The following UBE2U variants were observed in gnomAD, a reference collection of about 807,000 sequenced individuals.
UBE2U encodes the protein ubiquitin-conjugating enzyme E2 U.
A neutral mutation model predicts 41.2 loss-of-function variants in UBE2U; 39 were observed. The ratio of observed to expected loss-of-function variants is 0.95; its 90% CI spans 0.73 to 1.24. UBE2U has a LOEUF of 1.24. Ranked by LOEUF, UBE2U falls within the 50% of genes most tolerant of loss-of-function variation. The probability of loss-of-function intolerance (pLI) is 0.00; values close to 1 mark genes in which losing one functional copy is unlikely to be tolerated. For missense variants in UBE2U, 336 were observed against 363.1 expected (o/e 0.93, Z 0.61); for synonymous variants, 107 against 117.8 (o/e 0.91, Z 0.60).
At chr1:64,262,257 G>A (rs954140817) in intron 9 of UBE2U, among the ~76,000 whole-genome samples, 5 of 152,162 alleles carry the variant, frequency 3.3e-5, no homozygotes, top group Admixed American at 6.5e-5. Context: ...TACCATAGCC[G>A]TATCATGCTC....
At chr1:64,237,372 CAAG>C (rs1644688511) in intron 7 of UBE2U, among the ~76,000 whole-genome samples, 1 of 149,688 alleles carries the variant, frequency 6.7e-6, no homozygotes, top group African/African-American at 2.5e-5. Context: ...AACAGAAAAG[CAAG>C]AAGAACTATA....
chr1:64,237,203 G>T (rs1440711102), intron 7 of UBE2U, among the ~76,000 whole-genome samples: 1 of 151,514 alleles, frequency 6.6e-6, no homozygotes, highest in Non-Finnish European at 1.5e-5. Flanking sequence ...ACATGCTGAG[G>T]CAAGTTGGTA....
At chr1:64,204,200 G>C in intron 1 of UBE2U, 84 bp downstream of exon 1, 1 of 1,323,040 alleles carries the variant, frequency 7.6e-7, no homozygotes, top group African/African-American at 1.5e-5. Flanking sequence ...TCTATAAGTA[G>C]TAATTTAGTT....
intron 2 of UBE2U, among the ~76,000 whole-genome samples, chr1:64,206,265 A>T (rs1651290428): frequency 6.6e-6 from 1 of 152,124 alleles, no homozygotes; most frequent in Admixed American, 6.5e-5. Context: ...TTACAATAAA[A>T]TATACATTAT....
In UBE2U at chr1:64,206,812, C is replaced by T. The variant is rs1163550952; in HGVS notation, c.197C>T (p.Ala66Val). 1.2e-6 allele frequency: 2 copies of T among 1,606,722 alleles called. No individual in the cohort carries two copies. Among genetic ancestry groups the T allele is most frequent in the Non-Finnish European group, 1.7e-6 (2 of 1,175,374 alleles). ...CATTTTACATCGGAGTACAACTATG[C>T]TCCTCCAGTTGTGAAATTTATAACA... ...TIHFTSEYNY[A>V]PPVVKFITIP... is the part of the protein sequence containing the mutation. The change falls in exon 3 of 10, where the codon GCT (alanine) becomes GTT (valine). Residue 66 changes from alanine (A) to valine (V), a missense_variant. Ala to Val is a moderately conservative substitution (Grantham distance 64). Coordinates refer to ENST00000371077, the MANE Select transcript of UBE2U (RefSeq NM_001366232.2).
intron 8 of UBE2U, among the ~76,000 whole-genome samples, chr1:64,258,147 T>C (rs1645124058): frequency 6.6e-6 from 1 of 152,178 alleles, no homozygotes; most frequent in Non-Finnish European, 1.5e-5. Context: ...TTGATTTTTA[T>C]ATTTATTCAT....
intron 6 of UBE2U, among the ~76,000 whole-genome samples, chr1:64,229,656 T>C (rs1653146390): frequency 6.6e-6 from 1 of 152,156 alleles, no homozygotes; most frequent in African/African-American, 2.4e-5. Context: ...ACCAGAGATA[T>C]TTAGGGGTTT....
intron 4 of UBE2U, among the ~76,000 whole-genome samples, chr1:64,212,559 G>A (rs899752440): frequency 1.3e-5 from 2 of 152,060 alleles, no homozygotes; most frequent in East Asian, 1.9e-4. Flanking sequence ...TAAAGAATTC[G>A]GAACTGTGCC....
At chr1:64,210,535 C>T (rs1651599656) in intron 3 of UBE2U, among the ~76,000 whole-genome samples, 1 of 152,146 alleles carries the variant, frequency 6.6e-6, no homozygotes, top group Admixed American at 6.5e-5. Context: ...ATAGGAAAAA[C>T]TGTAGGGGCA....
intron 8 of UBE2U, among the ~76,000 whole-genome samples, chr1:64,251,845 AC>A (rs1467985270): frequency 6.6e-6 from 1 of 152,134 alleles, no homozygotes; most frequent in East Asian, 1.9e-4. Context: ...CACCAGATCC[AC>A]CCATACATTC....
chr1:64,257,873 AGAG>A (rs1645119615), intron 8 of UBE2U, among the ~76,000 whole-genome samples: 1 of 105,666 alleles, frequency 9.5e-6, no homozygotes, highest in African/African-American at 3.6e-5. Context: ...CAAAGATGGG[AGAG>A]AGTTTTAAAA....
intron 8 of UBE2U, among the ~76,000 whole-genome samples, chr1:64,252,994 C>T (rs1095177): frequency 0.72 from 110,005 of 152,106 alleles, 41,099 homozygotes; most frequent in African/African-American, 0.93. Flanking sequence ...TGTAAACCAA[C>T]GCAAAGAAGC....
chr1:64,221,110 G>T (rs1289846483), intron 6 of UBE2U, among the ~76,000 whole-genome samples: 1 of 152,092 alleles, frequency 6.6e-6, no homozygotes, highest in Non-Finnish European at 1.5e-5. Flanking sequence ...GTAACTACAT[G>T]ATCTCGCTTT....
intron 8 of UBE2U, among the ~76,000 whole-genome samples, chr1:64,256,565 T>C (rs1288055124): frequency 6.6e-6 from 1 of 152,120 alleles, no homozygotes; most frequent in Non-Finnish European, 1.5e-5. Context: ...TAGCTAGCCA[T>C]ATGCAGAAAA....
At chr1:64,252,354 G>A (rs899031036) in intron 8 of UBE2U, among the ~76,000 whole-genome samples, 5 of 152,204 alleles carry the variant, frequency 3.3e-5, no homozygotes, top group African/African-American at 7.2e-5. Context: ...TGGTCTGGAC[G>A]AGGAAGGGTC....
intron 8 of UBE2U, among the ~76,000 whole-genome samples, chr1:64,252,076 G>T (rs1169494301): frequency 6.6e-6 from 1 of 152,222 alleles, no homozygotes; most frequent in African/African-American, 2.4e-5. Context: ...GCTCTGGAGA[G>T]TCCAGGCATT....
chr1:64,232,827 A>C (rs1000899409), intron 7 of UBE2U, among the ~76,000 whole-genome samples, 178 bp downstream of exon 7: 1 of 152,096 alleles, frequency 6.6e-6, no homozygotes, highest in Non-Finnish European at 1.5e-5. Context: ...TCAAAAAAAA[A>C]TAATTTTAAC....
intron 4 of UBE2U, among the ~76,000 whole-genome samples, chr1:64,213,195 C>A (rs74081710): frequency 0.023 from 3,548 of 152,228 alleles, 139 homozygotes; most frequent in African/African-American, 0.08. Flanking sequence ...CCAGGCAATC[C>A]TGCTCATACT....
At chr1:64,210,200 C>T (rs909775671) in intron 3 of UBE2U, among the ~76,000 whole-genome samples, 8 of 152,210 alleles carry the variant, frequency 5.3e-5, no homozygotes, top group African/African-American at 1.9e-4. Context: ...AGTCATTCTA[C>T]AGTTTTATTT....
Sources: gnomAD v4.1 joint callset for allele counts (sites outside exome capture counted in the v4.1 genomes callset) on GRCh38, gnomAD v4.1.1 for gene constraint, MANE v1.5 for transcripts, NCBI Gene and HGNC (gene_info 2026-07-23, HGNC 2026-07-21) for gene names.